Variants in KMT2D observed in about 807,000 individuals in gnomAD.
KMT2D encodes the protein lysine methyltransferase 2D, also known as histone-lysine N-methyltransferase 2D.
In KMT2D, 55 loss-of-function variants were observed where a neutral mutation model predicts 512.7. The observed-to-expected ratio is 0.11, with a 90% CI of 0.09 to 0.13. The LOEUF (loss-of-function observed/expected upper bound fraction) is 0.13, where lower values mean the gene tolerates loss of function less well. KMT2D is among the 10% of genes least tolerant of loss of function. The pLI, the probability that KMT2D is intolerant of heterozygous loss-of-function variation, is 1.00. For missense variants in KMT2D, 6,061 were observed against 7,127.9 expected, an observed-to-expected ratio of 0.85 and a Z score of 5.39; for synonymous variants, 2,995 against 2,904.0, an observed-to-expected ratio of 1.03 and a Z score of -1.01.
Position 49,040,780 on chromosome 12 carries a change from G to A in KMT2D, c.6990C>T (p.Pro2330=), listed in dbSNP as rs533716096. ...CTACCTGAGATGCCCGAGGGGTCAGGGGGGCTTTGAAGACATCAGGTGTCT... is the reference window on the plus strand; with the variant it reads ...CTACCTGAGATGCCCGAGGGGTCAGAGGGGCTTTGAAGACATCAGGTGTCT... ...ELKTPDVFKA[P]LTPRASQVEP... The change falls in exon 32 of 55, where the codon CCC becomes CCT. Residue 2330 remains proline, a synonymous_variant. Transcript: ENST00000301067. 29 of 1,613,644 alleles carry A rather than the reference G, an allele frequency of 1.8e-5. No homozygotes were observed. The African/African-American group carries it at 2.4e-4, about 13-fold the overall frequency.
At chr12:49,058,603 G>A (rs1184262345) in intron 1 of KMT2D, among the ~76,000 whole-genome samples, 1 of 152,094 alleles carries the variant, frequency 6.6e-6, no homozygotes, top group Non-Finnish European at 1.5e-5. Flanking sequence ...TTCTGCCAGG[G>A]GTGGAATCAC....
rs1592129081 is a variant in KMT2D, at chr12:49,037,392, G to C, written c.9964C>G (p.Gln3322Glu). Residue 3322 changes from glutamine (Q) to glutamate (E), a missense_variant, in exon 35 of 55, where the codon CAG becomes GAG. By Grantham distance (29) the Gln-to-Glu change is conservative. Around this residue, in one of 16 missense-constraint regions of KMT2D, gnomAD observed 533 missense variants for 539.6 expected, o/e 0.99. Transcript: ENST00000301067. ...QLSLGLAGAR[Q>E]PGLPQPLMPT... ...ATCAGTGGCTGGGGCAAACCTGGCT[G>C]TCGGGCACCTGCAAGACCCAGGGAA... 6.2e-7 allele frequency: 1 copy of C among 1,607,576 alleles called. No individual in the cohort carries two copies. Among genetic ancestry groups the C allele is most frequent in the Non-Finnish European group, 8.5e-7 (1 of 1,177,432 alleles).
Position 49,041,313 on chromosome 12 carries a change from G to A in KMT2D, c.6457C>T (p.Pro2153Ser), listed in dbSNP as rs1038997569. ...AGGAAGAGCTCACCAGGCGAGTCAG[G>A]GCCAGGCACCGAGCCCGCCGGCGGC... The part of the protein sequence containing the change: ...LKPPAGSVPG[P>S]DSPGELFLKL... Residue 2153 changes from proline to serine, a missense_variant, in exon 32 of 55, where the codon CCT becomes TCT. Transcript: ENST00000301067. The surrounding 1 kb of genome is among the most constrained non-coding windows in gnomAD (Gnocchi z 5.4). 1.3e-6 allele frequency: 2 copies of A among 1,537,236 alleles called. No individual in the cohort carries two copies. Among genetic ancestry groups the A allele is most frequent in the Admixed American group, 2.0e-5 (1 of 49,054 alleles).
At chr12:49,034,376 T>C (rs1943111195) in intron 38 of KMT2D, 34 bp downstream of exon 38, 1 of 1,612,202 alleles carries the variant, frequency 6.2e-7, no homozygotes, top group Non-Finnish European at 8.5e-7. Flanking sequence ...CCCAAACCAC[T>C]CCCCTGCACC....
In KMT2D at chr12:49,044,011, C is replaced by G. The variant is rs375365635; in HGVS notation, c.5189-13G>C. 1.1e-5 allele frequency: 18 copies of G among 1,613,468 alleles called. No homozygotes were observed. In the African/African-American group the frequency reaches 1.3e-4, roughly 12 times the overall value. ...TCAGCAGGTATCACTGTGGACAGAACGGAAGTGTCAGACTCGGGTTGAGAG... is the reference window on the plus strand; with the variant it reads ...TCAGCAGGTATCACTGTGGACAGAAGGGAAGTGTCAGACTCGGGTTGAGAG... On this transcript the variant is annotated splice_polypyrimidine_tract_variant and intron_variant, in intron 22 of 54. Transcript: ENST00000301067. The surrounding 1 kb of genome is among the most constrained non-coding windows in gnomAD (Gnocchi z 6.4).
In KMT2D at chr12:49,051,187, G is replaced by A. The variant is rs1453738854; in HGVS notation, c.2496C>T (p.His832=). 9.9e-6 allele frequency: 15 copies of A among 1,510,892 alleles called. No homozygotes were observed. Among genetic ancestry groups the A allele is most frequent in the Non-Finnish European group, 1.3e-5 (15 of 1,124,788 alleles). The allele number at this position is 1,510,892 out of a possible 1,614,324, so 93.6% of individuals were successfully genotyped here. A position where few individuals can be genotyped will look rare whatever the true frequency, so the allele number is the denominator to read the frequency against. The part of the protein sequence containing the change: ...PCLSPQPEES[H]LSPQSEEPCL... ...ATGGCTCCTCAGACTGGGGGGACAG[G>A]TGTGATTCCTCAGGTTGGGGGGACA... The change falls in exon 11 of 55, where the codon CAC becomes CAT. Residue 832 remains histidine, a synonymous_variant. Coordinates refer to ENST00000301067, the MANE Select transcript of KMT2D (RefSeq NM_003482.4).
At position 49,030,884 on chromosome 12, in the gene KMT2D, G is replaced by A. The variant is rs1485419908; in HGVS notation, c.13671+9C>T. On this transcript the variant is annotated intron_variant, in intron 41 of 54. Transcript: ENST00000301067. ...ATGGGACCAGGGGGACTGTCTCCTGGGGGGTCACCTGTTTCAGCTGTTTCA... is the reference window on the plus strand; with the variant it reads ...ATGGGACCAGGGGGACTGTCTCCTGAGGGGTCACCTGTTTCAGCTGTTTCA... 1 of 1,613,552 alleles carries A rather than the reference G, an allele frequency of 6.2e-7. No homozygotes were observed. The highest frequency in any genetic ancestry group is 8.5e-7 in the Non-Finnish European group (1 of 1,179,752).
At chr12:49,035,820 A>G (rs1366521829) in intron 35 of KMT2D, 5 of 152,236 alleles carry the variant, frequency 3.3e-5, no homozygotes, top group Non-Finnish European at 7.3e-5. Flanking sequence ...TCAGCCTCCC[A>G]AAGTGCTGGG....
chr12:49,028,325 T>G lies in KMT2D; in HGVS notation c.14383-184A>C, dbSNP rs921932855. Among the ~76,000 whole-genome samples, 3 of 152,186 alleles carry G rather than the reference T, an allele frequency of 2.0e-5. No individual in the cohort carries two copies. In the South Asian group the frequency reaches 6.2e-4, roughly 31 times the overall value. ...GCCTTTCCCAAACTGCTGTGGGCACTGACGGGAGCTCCACGAAAAGGGAAC... is the reference window on the plus strand; with the variant it reads ...GCCTTTCCCAAACTGCTGTGGGCACGGACGGGAGCTCCACGAAAAGGGAAC... On this transcript the variant is annotated intron_variant, in intron 46 of 54. Coordinates refer to ENST00000301067, the MANE Select transcript of KMT2D (RefSeq NM_003482.4).
Position 49,041,218 on chromosome 12 carries a change from G to C in KMT2D, c.6552C>G (p.Pro2184=), listed in dbSNP as rs1943509702. Residue 2184 remains proline (P), a synonymous_variant, in exon 32 of 55, where the codon CCC becomes CCG. Coordinates refer to ENST00000301067, the MANE Select transcript of KMT2D (RefSeq NM_003482.4). The surrounding 1 kb of genome is among the most constrained non-coding windows in gnomAD (Gnocchi z 5.4). ...GTGCCGTGGGGAAGCGGGGCTCCAG[G>C]GGATAGGCAGGGGCCAGTCCAAAGG... ...QDPFGLAPAY[P]LEPRFPTAPP... The C allele has an allele frequency of 6.6e-7, 1 of 1,512,280 alleles. No homozygotes were observed. The highest frequency in any genetic ancestry group is 8.8e-7 in the Non-Finnish European group (1 of 1,133,372). 93.7% of individuals were successfully genotyped at this position (1,512,280 alleles called of 1,614,324 possible). A position where few individuals can be genotyped will look rare whatever the true frequency, so the allele number is the denominator to read the frequency against.
At position 49,039,061 on chromosome 12, in the gene KMT2D, G is replaced by A. The variant is rs1400789379; in HGVS notation, c.8367-72C>T. ...AGCAAGAACATGGGCTTAGGGCAGT[G>A]AGGAAGGATAGAATTAATGCAGTGA... is the stretch of plus-strand genomic sequence containing the variant. On this transcript the variant is annotated intron_variant, in intron 34 of 54. Coordinates refer to ENST00000301067, the MANE Select transcript of KMT2D (RefSeq NM_003482.4). This position sits in a 1 kb window ranked among gnomAD's most constrained non-coding sequence, Gnocchi z 5.0. 9.9e-6 allele frequency: 15 copies of A among 1,520,940 alleles called. No homozygotes were observed. The highest frequency in any genetic ancestry group is 1.2e-5 in the Non-Finnish European group (13 of 1,110,900). 94.2% of individuals were successfully genotyped at this position (1,520,940 alleles called of 1,614,324 possible).
Position 49,032,801 on chromosome 12 carries a change from C to CTGTTGAAACTGCTGCTGT in KMT2D, c.11886_11903dup (p.Phe3966_Gln3971dup). On this transcript the variant is annotated inframe_insertion, in exon 40 of 55. Transcript: ENST00000301067. ...GGCCCATCTGCTGCTGTTGCTGCTGCTGTTGAAACTGCTGCTGTTGTTGTT... is the reference window on the plus strand; with the variant it reads ...GGCCCATCTGCTGCTGTTGCTGCTGCTGTTGAAACTGCTGCTGTTGTTGAAACTGCTGCTGTTGTTGTT... The CTGTTGAAACTGCTGCTGT allele has an allele frequency of 6.4e-7, 1 of 1,552,230 alleles. No homozygotes were observed. The highest frequency in any genetic ancestry group is 8.7e-7 in the Non-Finnish European group (1 of 1,147,464).
chr12:49,028,263 T>C, intron 46 of KMT2D, 122 bp from the exon 47 acceptor site: 2 of 1,186,186 alleles, frequency 1.7e-6, no homozygotes, highest in Non-Finnish European at 2.4e-6. Flanking sequence ...TTCTATCCTA[T>C]GTCACCCAGC....
At chr12:49,052,536 A>AT (rs758832409) in intron 10 of KMT2D, 28 bp downstream of exon 10, 1 of 1,608,836 alleles carries the variant, frequency 6.2e-7, no homozygotes, top group Admixed American at 1.7e-5. Flanking sequence ...AAGGGGATGA[A>AT]TTTCAGGGAC....
chr12:49,053,096 C>T (rs201166677), intron 8 of KMT2D, 24 bp from the exon 9 acceptor site: 1 of 1,613,924 alleles, frequency 6.2e-7, no homozygotes, highest in Middle Eastern at 1.7e-4. Context: ...GTGGGCAAAA[C>T]AGGCATTGGT....
rs557116488 is a variant in KMT2D at position 49,027,413 on chromosome 12, C to T, written c.14644-91G>A. The stretch of plus-strand genomic sequence containing the variant: ...ACCCATATGCCACCCTCCCAAAAGG[C>T]CTCCACATTCTTTGCCCTAGACAGC... On this transcript the variant is annotated intron_variant, in intron 48 of 54. Coordinates refer to ENST00000301067, the MANE Select transcript of KMT2D (RefSeq NM_003482.4). 1.1e-5 allele frequency: 11 copies of T among 1,046,366 alleles called. No homozygotes were observed. The South Asian group carries it at 1.7e-4, about 16-fold the overall frequency. The allele number at this position is 1,046,366 out of a possible 1,614,324, so 64.8% of individuals were successfully genotyped here.
chr12:49,046,183 CAG>C lies in KMT2D; in HGVS notation c.4584-11_4584-10del, dbSNP rs1483556880. 6.2e-7 allele frequency: 1 copy of C among 1,611,966 alleles called. No homozygotes were observed. Among genetic ancestry groups the C allele is most frequent in the East Asian group, 2.2e-5 (1 of 44,820 alleles). ...AGCCTGCATGCATCCACCTGGAGAACAGAGACTGGAGGAAATAAGCTCAGGCA... is the reference window on the plus strand; with the variant it reads ...AGCCTGCATGCATCCACCTGGAGAACAGACTGGAGGAAATAAGCTCAGGCA... On this transcript the variant is annotated splice_polypyrimidine_tract_variant and intron_variant, in intron 17 of 54. Coordinates refer to ENST00000301067, the MANE Select transcript of KMT2D (RefSeq NM_003482.4). The surrounding 1 kb of genome is among the most constrained non-coding windows in gnomAD (Gnocchi z 4.2).
In KMT2D at chr12:49,041,515, G is replaced by T. The variant is rs200406127; in HGVS notation, c.6255C>A (p.Asn2085Lys). ...CTATGTCGCCCACCTTGGTCTGCTT[G>T]TTGATCTGGCTCTCAGCCTGCTACA... Reference protein sequence around the residue: ...KVQKQAESQINKQTKVGDIAR... With the variant: ...KVQKQAESQIKKQTKVGDIAR... The change falls in exon 32 of 55, where the codon AAC becomes AAA. Residue 2085 changes from asparagine to lysine, a missense_variant. Around this residue, in one of 16 missense-constraint regions of KMT2D, gnomAD observed 640 missense variants for 814.3 expected, o/e 0.79. Transcript: ENST00000301067. The surrounding 1 kb of genome is among the most constrained non-coding windows in gnomAD (Gnocchi z 5.4). 19 of 1,613,576 alleles carry T rather than the reference G, an allele frequency of 1.2e-5. No homozygotes were observed. In the Admixed American group the frequency reaches 3.2e-4, roughly 27 times the overall value.
rs761382902 is a variant in KMT2D, at chr12:49,030,905, T to C, written c.13659A>G (p.Lys4553=). 4.3e-6 allele frequency: 7 copies of C among 1,613,802 alleles called. No individual in the cohort carries two copies. The highest frequency in any genetic ancestry group is 1.1e-5 in the South Asian group (1 of 91,060). Residue 4553 remains lysine, a synonymous_variant, in exon 41 of 55, where the codon AAA becomes AAG. Coordinates refer to ENST00000301067, the MANE Select transcript of KMT2D (RefSeq NM_003482.4). ...CCTGGGGGGTCACCTGTTTCAGCTG[T>C]TTCAGCAAGGCCTCGCTGGCCCTGA... is the stretch of plus-strand genomic sequence containing the variant. ...DGVRASEALL[K]QLKQELSLLP...
Sources: allele counts gnomAD v4.1 joint callset (sites outside exome capture counted in the v4.1 genomes callset), GRCh38; gene constraint gnomAD v4.1.1; regional missense constraint gnomAD v4.1.1; non-coding constraint Gnocchi (gnomAD v3.1); transcripts MANE v1.5; gene names NCBI Gene and HGNC (gene_info 2026-07-23, HGNC 2026-07-21).